Variants in SRCAP observed in about 807,000 individuals in gnomAD.
SRCAP encodes chromatin remodeling protein SRCAP.
In SRCAP, 46 loss-of-function variants were observed where a neutral mutation model predicts 263.1. The ratio of observed to expected loss-of-function variants is 0.17; its 90% CI spans 0.14 to 0.22. The LOEUF (loss-of-function observed/expected upper bound fraction) is 0.22, where lower values mean the gene tolerates loss of function less well. SRCAP is among the 10% of genes least tolerant of loss of function. SRCAP has a pLI of 1.00. For missense variants in SRCAP, 3,695 were observed against 4,181.9 expected (o/e 0.88, Z 3.21); for synonymous variants, 1,813 against 1,662.1 (o/e 1.09, Z -2.21).
chr16:30,715,068 TATGTG>T (rs1033033783), intron 16 of SRCAP, among the ~76,000 whole-genome samples: 1 of 152,234 alleles, frequency 6.6e-6, no homozygotes, highest in African/African-American at 2.4e-5. Context: ...GACTATTTCT[TATGTG>T]ATAAAGACTC....
At position 30,724,850 on chromosome 16, in the gene SRCAP, C is replaced by T; in HGVS notation, c.5426C>T (p.Ala1809Val). 2 of 1,614,124 alleles carry T rather than the reference C, an allele frequency of 1.2e-6. No homozygotes were observed. The highest frequency in any genetic ancestry group is 1.7e-6 in the Non-Finnish European group (2 of 1,179,958). Residue 1809 changes from alanine to valine, a missense_variant, in exon 25 of 34, where the codon GCC becomes GTC. By Grantham distance (64) the Ala-to-Val change is moderately conservative (BLOSUM62 0). Around this residue, in one of 12 missense-constraint regions of SRCAP, gnomAD observed 1,347 missense variants for 1,304.4 expected, o/e 1.03. Coordinates refer to ENST00000262518, the MANE Select transcript of SRCAP (RefSeq NM_006662.3). ...GCCGCAGCTCAGACCTTGGCGCTGG[C>T]CCCAGCCTCCACACAGTCCCCAGCT... ...GPAAAQTLALAPASTQSPASQ... is the reference protein window; with the variant it reads ...GPAAAQTLALVPASTQSPASQ...
At position 30,723,733 on chromosome 16, in the gene SRCAP, T is replaced by C. The variant is rs1373903740; in HGVS notation, c.4309T>C (p.Ser1437Pro). The C allele has an allele frequency of 1.2e-6, 2 of 1,614,030 alleles. No individual in the cohort carries two copies. Among genetic ancestry groups the C allele is most frequent in the Non-Finnish European group, 1.7e-6 (2 of 1,179,968 alleles). The change falls in exon 25 of 34, where the codon TCT (serine) becomes CCT (proline). Residue 1437 changes from serine (S) to proline (P), a missense_variant. Around this residue, in one of 12 missense-constraint regions of SRCAP, gnomAD observed 1,347 missense variants for 1,304.4 expected, o/e 1.03. Coordinates refer to ENST00000262518, the MANE Select transcript of SRCAP (RefSeq NM_006662.3). ...VSSTVSVPLS[S>P]SLPISVPTTL... is the part of the protein sequence containing the mutation. ...CTCTACAGTCTCAGTTCCATTGTCA[T>C]CTTCACTCCCCATCTCTGTCCCCAC...
Position 30,739,798 on chromosome 16 carries a change from G to T in SRCAP, c.*65G>T, listed in dbSNP as rs2053207165. On this transcript the variant is annotated 3_prime_UTR_variant, in exon 34 of 34. Transcript: ENST00000262518. ...TCCCTCCATGACCAGGCCTGACTCT[G>T]TTAACCACTACTTGAAGTCTTGAGG... The T allele has an allele frequency of 7.7e-6, 11 of 1,435,488 alleles. No homozygotes were observed. The East Asian group carries it at 2.6e-4, about 34-fold the overall frequency. 88.9% of individuals were successfully genotyped at this position (1,435,488 alleles called of 1,614,324 possible).
chr16:30,723,858 A>T lies in SRCAP; in HGVS notation c.4434A>T (p.Pro1478=). ...CAGCTCTGTTGACCAGTGTGACTCC[A>T]CCATTGGCACCTGTTGTCCCAGCGG... ...SGPALLTSVT[P]PLAPVVPAAP... The change falls in exon 25 of 34, where the codon CCA becomes CCT. Residue 1478 remains proline, a synonymous_variant. Coordinates refer to ENST00000262518, the MANE Select transcript of SRCAP (RefSeq NM_006662.3). The T allele has an allele frequency of 6.2e-7, 1 of 1,613,722 alleles. No homozygotes were observed. The highest frequency in any genetic ancestry group is 1.1e-5 in the South Asian group (1 of 91,062).
intron 25 of SRCAP, among the ~76,000 whole-genome samples, chr16:30,727,091 A>T (rs2053071654): frequency 6.6e-6 from 1 of 152,072 alleles, no homozygotes; most frequent in African/African-American, 2.4e-5. Flanking sequence ...TGCCCGCCTC[A>T]GCCTCCCAAA....
At position 30,710,815 on chromosome 16, in the gene SRCAP, A is replaced by G. The variant is rs1252584503; in HGVS notation, c.1196A>G (p.Asp399Gly). The G allele has an allele frequency of 6.2e-6, 10 of 1,614,088 alleles. 1 individual carries two copies. The South Asian group carries it at 8.8e-5, about 14-fold the overall frequency. Residue 399 changes from aspartate (D) to glycine (G), a missense_variant, in exon 9 of 34, where the codon GAT (aspartate) becomes GGT (glycine). Physicochemically the swap from Asp to Gly is moderately conservative, Grantham distance 94. Coordinates refer to ENST00000262518, the MANE Select transcript of SRCAP (RefSeq NM_006662.3). ...RNKQPWHPDE[D>G]DEEFTANEEE... ...AAACAGCCTTGGCATCCAGATGAAG[A>G]TGATGAAGAGTTTACTGCCAACGAA...
chr16:30,729,143 C>T lies in SRCAP; in HGVS notation c.5836C>T (p.Pro1946Ser), dbSNP rs1373588309. 4 of 1,614,160 alleles carry T rather than the reference C, an allele frequency of 2.5e-6. No homozygotes were observed. The highest frequency in any genetic ancestry group is 3.4e-6 in the Non-Finnish European group (4 of 1,180,032). The change falls in exon 26 of 34, where the codon CCC (proline) becomes TCC (serine). Residue 1946 changes from proline to serine, a missense_variant. By Grantham distance (74) the Pro-to-Ser change is moderately conservative. Coordinates refer to ENST00000262518, the MANE Select transcript of SRCAP (RefSeq NM_006662.3). ...IGPRSPGPSH[P>S]TFWTYTEAAH... The stretch of plus-strand genomic sequence containing the variant: ...CCCTCGTTCTCCTGGCCCCAGCCAC[C>T]CCACCTTTTGGACTTATACCGAGGC...
At chr16:30,722,887 T>A in intron 23 of SRCAP, 76 bp from the exon 24 acceptor site, 1 of 1,552,458 alleles carries the variant, frequency 6.4e-7, no homozygotes, top group East Asian at 2.3e-5. Context: ...CACCTTCTCC[T>A]GCCCCTGGAC....
At position 30,739,271 on chromosome 16, in the gene SRCAP, A is replaced by G. The variant is rs1177963076; in HGVS notation, c.9231A>G (p.Arg3077=). The change falls in exon 34 of 34, where the codon CGA becomes CGG. Residue 3077 remains arginine (R), a synonymous_variant. Coordinates refer to ENST00000262518, the MANE Select transcript of SRCAP (RefSeq NM_006662.3). ...ARLRLEAEGM[R]GRKSGGSMVV... The stretch of plus-strand genomic sequence containing the variant: ...TTCGGCTTGAAGCAGAAGGAATGCG[A>G]GGACGGAAGAGTGGAGGGTCCATGG... 9 of 1,614,016 alleles carry G rather than the reference A, an allele frequency of 5.6e-6. No individual in the cohort carries two copies. The highest frequency in any genetic ancestry group is 7.6e-6 in the Non-Finnish European group (9 of 1,180,034).
chr16:30,700,863 A>C lies in SRCAP; in HGVS notation c.39A>C (p.Pro13=). 1 of 1,614,198 alleles carries C rather than the reference A, an allele frequency of 6.2e-7. No individual in the cohort carries two copies. Among genetic ancestry groups the C allele is most frequent in the South Asian group, 1.1e-5 (1 of 91,088 alleles). ...CCTCCCCTGCTCACCCTCAGCTCCC[A>C]GTCCTACAGACACAGGTTTGAAAGT... ...SSPSPAHPQL[P]VLQTQMVSDG... is the part of the protein sequence containing the mutation. Residue 13 remains proline (P), a synonymous_variant, in exon 3 of 34, where the codon CCA becomes CCC. Transcript: ENST00000262518.
At position 30,733,547 on chromosome 16, in the gene SRCAP, A is replaced by T; in HGVS notation, c.6298-55A>T. ...AGACGGGGTGCCACTAAGCCTTTAG[A>T]CCTGTTTTGGGGGATAAGTCTCCCA... On this transcript the variant is annotated intron_variant, in intron 28 of 33. Coordinates refer to ENST00000262518, the MANE Select transcript of SRCAP (RefSeq NM_006662.3). This position sits in a 1 kb window ranked among gnomAD's most constrained non-coding sequence, Gnocchi z 5.3. 5 of 1,603,754 alleles carry T rather than the reference A, an allele frequency of 3.1e-6. No individual in the cohort carries two copies. The highest frequency in any genetic ancestry group is 4.3e-6 in the Non-Finnish European group (5 of 1,173,534).
chr16:30,739,784 C>G lies in SRCAP; in HGVS notation c.*51C>G. 6.9e-7 allele frequency: 1 copy of G among 1,448,136 alleles called. No individual in the cohort carries two copies. Among genetic ancestry groups the G allele is most frequent in the African/African-American group, 1.4e-5 (1 of 69,760 alleles). 89.7% of individuals were successfully genotyped at this position (1,448,136 alleles called of 1,614,324 possible). A position where few individuals can be genotyped will look rare whatever the true frequency, so the allele number is the denominator to read the frequency against. ...TCCACCGTGGCCACTCCCTCCATGA[C>G]CAGGCCTGACTCTGTTAACCACTAC... On this transcript the variant is annotated 3_prime_UTR_variant, in exon 34 of 34. Coordinates refer to ENST00000262518, the MANE Select transcript of SRCAP (RefSeq NM_006662.3).
Position 30,711,088 on chromosome 16 carries a change from G to A in SRCAP, c.1318G>A (p.Gly440Ser). The change falls in exon 10 of 34, where the codon GGT becomes AGT. Residue 440 changes from glycine (G) to serine (S), a missense_variant and splice_region_variant. By Grantham distance (56) the Gly-to-Ser change is moderately conservative (BLOSUM62 0). Around this residue, in one of 12 missense-constraint regions of SRCAP, gnomAD observed 288 missense variants for 302.4 expected, o/e 0.95. Transcript: ENST00000262518. ...GGAGCTGAGCGAGTTGGCTCGAGAA[G>A]GTGACATTTACCAGACATTTTACTA... ...AMELSELAREGELSMEELLQQ... is the reference protein window; with the variant it reads ...AMELSELARESELSMEELLQQ... The A allele has an allele frequency of 6.2e-7, 1 of 1,611,764 alleles. No homozygotes were observed. The highest frequency in any genetic ancestry group is 8.5e-7 in the Non-Finnish European group (1 of 1,178,652).
At chr16:30,715,330 C>T (rs1000970918) in intron 16 of SRCAP, among the ~76,000 whole-genome samples, 3 of 152,178 alleles carry the variant, frequency 2.0e-5, no homozygotes, top group African/African-American at 7.2e-5. Context: ...CTTTGGGAGG[C>T]TGAGGCAGGC....
In SRCAP at chr16:30,703,204, C is replaced by A. The variant is rs924911283; in HGVS notation, c.55-860C>A. Among the ~76,000 whole-genome samples the A allele has an allele frequency of 4.7e-5, 7 of 148,688 alleles. 1 individual carries two copies. Among genetic ancestry groups the A allele is most frequent in the African/African-American group, 1.5e-4 (6 of 39,658 alleles). On this transcript the variant is annotated intron_variant, in intron 3 of 33. Transcript: ENST00000262518. ...AAATTTTTTTTTTCCTTTTCCTTTCCGAGACAGAGTCACCCTGTCATCCAA... is the reference window on the plus strand; with the variant it reads ...AAATTTTTTTTTTCCTTTTCCTTTCAGAGACAGAGTCACCCTGTCATCCAA...
chr16:30,711,209 T>G, intron 10 of SRCAP, 121 bp downstream of exon 10: 1 of 742,912 alleles, frequency 1.3e-6, no homozygotes, highest in South Asian at 1.5e-5. Context: ...GTCTAATGAC[T>G]AAGACAGACT....
In SRCAP at chr16:30,737,645, C is replaced by T; in HGVS notation, c.7605C>T (p.Pro2535=). Residue 2535 remains proline (P), a synonymous_variant, in exon 34 of 34, where the codon CCC becomes CCT. Coordinates refer to ENST00000262518, the MANE Select transcript of SRCAP (RefSeq NM_006662.3). ...SPLLLGPPSV[P]ISASVTNLPL... ...TCTTGCTTGGTCCACCTTCTGTGCCCATCTCTGCCTCAGTCACTAATCTCC... is the reference window on the plus strand; with the variant it reads ...TCTTGCTTGGTCCACCTTCTGTGCCTATCTCTGCCTCAGTCACTAATCTCC... 4 of 1,614,080 alleles carry T rather than the reference C, an allele frequency of 2.5e-6. No homozygotes were observed. Among genetic ancestry groups the T allele is most frequent in the East Asian group, 2.2e-5 (1 of 44,880 alleles).
rs138152469 is a variant in SRCAP at position 30,737,288 on chromosome 16, C to T, written c.7248C>T (p.Ser2416=). The change falls in exon 34 of 34, where the codon TCC becomes TCT. Residue 2416 remains serine, a synonymous_variant. Coordinates refer to ENST00000262518, the MANE Select transcript of SRCAP (RefSeq NM_006662.3). ...GGGCAAACCACACTCCTGTCATATC[C>T]GCCCATCAAACTCGCAGCACCACCA... ...TQGANHTPVI[S]AHQTRSTTTP... The T allele has an allele frequency of 1.6e-4, 254 of 1,613,994 alleles. No individual in the cohort carries two copies. In the African/African-American group the frequency reaches 2.0e-3, roughly 12 times the overall value.
chr16:30,719,183 A>G (rs2151291848), intron 18 of SRCAP, among the ~76,000 whole-genome samples: 1 of 149,348 alleles, frequency 6.7e-6, no homozygotes, highest in South Asian at 2.1e-4. Flanking sequence ...GGCATAAGCC[A>G]TGGTGCCCCG....
Sources: gnomAD v4.1 joint callset for allele counts (sites outside exome capture counted in the v4.1 genomes callset) on GRCh38, gnomAD v4.1.1 for gene constraint, gnomAD v4.1.1 regional missense constraint, Gnocchi (gnomAD v3.1) non-coding constraint, MANE v1.5 for transcripts, NCBI Gene and HGNC (gene_info 2026-07-23, HGNC 2026-07-21) for gene names.